Variants in COL7A1 observed in about 807,000 individuals in gnomAD.
COL7A1 encodes the protein collagen type VII alpha 1 chain.
Under a neutral mutation model 456.2 loss-of-function variants are expected in COL7A1, and 296 were observed. The ratio of observed to expected loss-of-function variants is 0.65; its 90% CI spans 0.59 to 0.71. The LOEUF (loss-of-function observed/expected upper bound fraction) is 0.71, where lower values mean the gene tolerates loss of function less well. Ranked by LOEUF, COL7A1 falls within the 30% of genes least tolerant of loss-of-function variation. The pLI is 0.00. For missense variants in COL7A1, 3,441 were observed against 4,017.2 expected, an observed-to-expected ratio of 0.86 and a Z score of 3.88; for synonymous variants, 1,464 against 1,525.9, an observed-to-expected ratio of 0.96 and a Z score of 0.95.
Position 48,568,044 on chromosome 3 carries a change from T to C in COL7A1, c.7875+46A>G. 6.2e-7 allele frequency: 1 copy of C among 1,612,372 alleles called. No homozygotes were observed. On this transcript the variant is annotated intron_variant, in intron 106 of 118. Coordinates refer to ENST00000681320, the MANE Select transcript of COL7A1 (RefSeq NM_000094.4). This position sits in a 1 kb window ranked among gnomAD's most constrained non-coding sequence, Gnocchi z 5.2. ...ACCCCAGGTCCCTCGCCCTTCAACA[T>C]TAGGCCTTCCTGACCAGAAAAAAAC...
At position 48,566,710 on chromosome 3, in the gene COL7A1, C is replaced by G; in HGVS notation, c.8254G>C (p.Val2752Leu). 1 of 1,613,908 alleles carries G rather than the reference C, an allele frequency of 6.2e-7. No individual in the cohort carries two copies. The highest frequency in any genetic ancestry group is 1.1e-5 in the South Asian group (1 of 91,068). Residue 2752 changes from valine (V) to leucine (L), a missense_variant, in exon 112 of 119, where the codon GTG becomes CTG. Transcript: ENST00000681320. This position sits in a 1 kb window ranked among gnomAD's most constrained non-coding sequence, Gnocchi z 5.9. Reference protein sequence around the residue: ...KGERGPPGERVVGAPGVPGAP... With the variant: ...KGERGPPGERLVGAPGVPGAP... Reference sequence around the variant, plus strand: ...CCAGGGACCCCAGGAGCCCCCACCACTCTCTCTCCGGGGGGACCTCGCTCA... The same window carrying G: ...CCAGGGACCCCAGGAGCCCCCACCAGTCTCTCTCCGGGGGGACCTCGCTCA...
chr3:48,574,048 C>T lies in COL7A1; in HGVS notation c.6502-158G>A, dbSNP rs962733454. Among the ~76,000 whole-genome samples the T allele has an allele frequency of 3.3e-5, 5 of 151,982 alleles. No individual in the cohort carries two copies. The highest frequency in any genetic ancestry group is 1.2e-4 in the African/African-American group (5 of 41,362). On this transcript the variant is annotated intron_variant, in intron 80 of 118. Transcript: ENST00000681320. The surrounding 1 kb of genome is among the most constrained non-coding windows in gnomAD (Gnocchi z 5.0). ...GACTGCCTCTCATAGATAGCACACA[C>T]GGGCCTGCACACACACATCCACATA...
At position 48,588,971 on chromosome 3, in the gene COL7A1, G is replaced by A. The variant is rs771323471; in HGVS notation, c.2339C>T (p.Ser780Leu). The A allele has an allele frequency of 1.2e-5, 20 of 1,613,406 alleles. No individual in the cohort carries two copies. The highest frequency in any genetic ancestry group is 1.6e-4 in the Middle Eastern group (1 of 6,082). Reference sequence around the variant, plus strand: ...GGAAGCATTGAGGATCTGCAGCCTCGACACACGACCCACAGGCTCAGGGGC... The same window carrying A: ...GGAAGCATTGAGGATCTGCAGCCTCAACACACGACCCACAGGCTCAGGGGC... ...RTAPEPVGRV[S>L]RLQILNASSD... Residue 780 changes from serine (S) to leucine (L), a missense_variant, in exon 19 of 119, where the codon TCG (serine) becomes TTG (leucine). Coordinates refer to ENST00000681320, the MANE Select transcript of COL7A1 (RefSeq NM_000094.4). This position sits in a 1 kb window ranked among gnomAD's most constrained non-coding sequence, Gnocchi z 4.6.
Position 48,578,521 on chromosome 3 carries a change from A to G in COL7A1, c.5425-6T>C. ...CCACGGAGGCCTGGAAGCCCCTGGA[A>G]AAAGTCTTTGTTAAGATTTATAGGG... On this transcript the variant is annotated splice_region_variant and splice_polypyrimidine_tract_variant and intron_variant, in intron 63 of 118. Transcript: ENST00000681320. The surrounding 1 kb of genome is among the most constrained non-coding windows in gnomAD (Gnocchi z 4.7). 1 of 1,611,186 alleles carries G rather than the reference A, an allele frequency of 6.2e-7. No individual in the cohort carries two copies. The highest frequency in any genetic ancestry group is 8.5e-7 in the Non-Finnish European group (1 of 1,179,554).
chr3:48,571,911 C>A lies in COL7A1; in HGVS notation c.7068+90G>T. 1 of 1,498,508 alleles carries A rather than the reference C, an allele frequency of 6.7e-7. No individual in the cohort carries two copies. The highest frequency in any genetic ancestry group is 9.1e-7 in the Non-Finnish European group (1 of 1,093,510). 92.8% of individuals were successfully genotyped at this position (1,498,508 alleles called of 1,614,324 possible). A position where few individuals can be genotyped will look rare whatever the true frequency, so the allele number is the denominator to read the frequency against. On this transcript the variant is annotated intron_variant, in intron 92 of 118. Transcript: ENST00000681320. This position sits in a 1 kb window ranked among gnomAD's most constrained non-coding sequence, Gnocchi z 4.6. ...GGACATGCAGCCCGACTCAGGGGCTCAGACATGTGCCCCGGCCCAAGAGTG... is the reference window on the plus strand; with the variant it reads ...GGACATGCAGCCCGACTCAGGGGCTAAGACATGTGCCCCGGCCCAAGAGTG...
In COL7A1 at chr3:48,567,289, C is replaced by A; in HGVS notation, c.8047-99G>T. 1 of 1,461,340 alleles carries A rather than the reference C, an allele frequency of 6.8e-7. No individual in the cohort carries two copies. Among genetic ancestry groups the A allele is most frequent in the Admixed American group, 1.7e-5 (1 of 58,944 alleles). The allele number at this position is 1,461,340 out of a possible 1,614,324, so 90.5% of individuals were successfully genotyped here. A position where few individuals can be genotyped will look rare whatever the true frequency, so the allele number is the denominator to read the frequency against. On this transcript the variant is annotated intron_variant, in intron 109 of 118. Transcript: ENST00000681320. This position sits in a 1 kb window ranked among gnomAD's most constrained non-coding sequence, Gnocchi z 4.3. Reference sequence around the variant, plus strand: ...GAGCTCCCTGGCCTAATGCCCAAACCTTCTGTAACCCAAGCACCTGTGAGC... The same window carrying A: ...GAGCTCCCTGGCCTAATGCCCAAACATTCTGTAACCCAAGCACCTGTGAGC...
At position 48,574,460 on chromosome 3, in the gene COL7A1, CATGTG is replaced by C; in HGVS notation, c.6456+23_6456+27del. On this transcript the variant is annotated intron_variant, in intron 79 of 118. Transcript: ENST00000681320. This position sits in a 1 kb window ranked among gnomAD's most constrained non-coding sequence, Gnocchi z 5.0. ...TACATGTGAGAGCCACCTTCTTGCA[CATGTG>C]TGGCTGTTGGGCAAGGACTTACCGG... 1 of 1,614,098 alleles carries C rather than the reference CATGTG, an allele frequency of 6.2e-7. No homozygotes were observed. Among genetic ancestry groups the C allele is most frequent in the Non-Finnish European group, 8.5e-7 (1 of 1,179,980 alleles).
chr3:48,588,027 G>GT lies in COL7A1; in HGVS notation c.2711-89dup, dbSNP rs1183627918. On this transcript the variant is annotated intron_variant, in intron 21 of 118. Transcript: ENST00000681320. The surrounding 1 kb of genome is among the most constrained non-coding windows in gnomAD (Gnocchi z 4.6). Reference sequence around the variant, plus strand: ...AGGGCCTGCCCACTTCACTGGCTCTGTTAACTGGGTTCACCCTCCTGACTG... The same window carrying GT: ...AGGGCCTGCCCACTTCACTGGCTCTGTTTAACTGGGTTCACCCTCCTGACTG... The GT allele has an allele frequency of 4.1e-6, 6 of 1,464,470 alleles. No homozygotes were observed. Among genetic ancestry groups the GT allele is most frequent in the Non-Finnish European group, 5.6e-6 (6 of 1,081,038 alleles). 90.7% of individuals were successfully genotyped at this position (1,464,470 alleles called of 1,614,324 possible).
chr3:48,568,901 C>A lies in COL7A1; in HGVS notation c.7687-46G>T, dbSNP rs61701760. On this transcript the variant is annotated intron_variant, in intron 103 of 118. Coordinates refer to ENST00000681320, the MANE Select transcript of COL7A1 (RefSeq NM_000094.4). This position sits in a 1 kb window ranked among gnomAD's most constrained non-coding sequence, Gnocchi z 5.2. ...GGGATTCAGTCAGGACCAGATCAGG[C>A]TGGGGGCTTAGAATACAACGAGCCC... The A allele has an allele frequency of 1.3e-6, 2 of 1,541,934 alleles. No homozygotes were observed. The highest frequency in any genetic ancestry group is 1.8e-6 in the Non-Finnish European group (2 of 1,137,224).
intron 65 of COL7A1, among the ~76,000 whole-genome samples, chr3:48,577,893 C>T (rs960542021): frequency 7.2e-5 from 11 of 152,166 alleles, no homozygotes; most frequent in African/African-American, 1.4e-4. Flanking sequence ...CCAGGCCTGG[C>T]GCAATGGCTC....
rs780608064 is a variant in COL7A1 at position 48,574,660 on chromosome 3, G to A, written c.6393+17C>T. ...GAAAGGAGGGGGACTCTATGGAAGG[G>A]TGGAGAGAGGCCTCACCCTGTCTCC... On this transcript the variant is annotated intron_variant, in intron 78 of 118. Transcript: ENST00000681320. The surrounding 1 kb of genome is among the most constrained non-coding windows in gnomAD (Gnocchi z 5.0). 6.2e-7 allele frequency: 1 copy of A among 1,613,936 alleles called. No homozygotes were observed. Among genetic ancestry groups the A allele is most frequent in the Non-Finnish European group, 8.5e-7 (1 of 1,179,988 alleles).
rs765130674 is a variant in COL7A1 at position 48,575,676 on chromosome 3, G to A, written c.5929C>T (p.Arg1977Cys). The change falls in exon 73 of 119, where the codon CGT (arginine) becomes TGT (cysteine). Residue 1977 changes from arginine (R) to cysteine (C), a missense_variant. By Grantham distance (180) the Arg-to-Cys change is radical. Coordinates refer to ENST00000681320, the MANE Select transcript of COL7A1 (RefSeq NM_000094.4). This position sits in a 1 kb window ranked among gnomAD's most constrained non-coding sequence, Gnocchi z 6.3. ...CCTGAGTCCCCCTTGGGGCCTCGAC[G>A]CCGTTCGGGCACAGGCAGGAAGCTA... ...SGSFLPVPER[R>C]RGPKGDSGEQ... 34 of 1,613,516 alleles carry A rather than the reference G, an allele frequency of 2.1e-5. No individual in the cohort carries two copies. Among genetic ancestry groups the A allele is most frequent in the African/African-American group, 5.3e-5 (4 of 74,936 alleles).
In COL7A1 at chr3:48,591,966, G is replaced by T. The variant is rs2045735155; in HGVS notation, c.1289C>A (p.Ser430Tyr). 6.2e-7 allele frequency: 1 copy of T among 1,614,220 alleles called. No homozygotes were observed. Among genetic ancestry groups the T allele is most frequent in the Non-Finnish European group, 8.5e-7 (1 of 1,180,040 alleles). ...CACCAAGTTCCAGGAAAGGAGGATG[G>T]ATGTGGGGCCCAGGATGACCGGGCG... is the stretch of plus-strand genomic sequence containing the variant. ...TLRPVILGPT[S>Y]ILLSWNLVPE... Residue 430 changes from serine to tyrosine, a missense_variant, in exon 11 of 119, where the codon TCC (serine) becomes TAC (tyrosine). Ser to Tyr is a moderately radical substitution (Grantham distance 144, BLOSUM62 -2). This residue lies in a region of COL7A1 where 913 missense variants were observed against 1,088.2 expected (regional missense o/e 0.84). Coordinates refer to ENST00000681320, the MANE Select transcript of COL7A1 (RefSeq NM_000094.4). The surrounding 1 kb of genome is among the most constrained non-coding windows in gnomAD (Gnocchi z 7.0).
At position 48,572,222 on chromosome 3, in the gene COL7A1, G is replaced by A. The variant is rs2043974781; in HGVS notation, c.6979-51C>T. ...ACAGGCATCAGTCACAGAAAGATGA[G>A]ACTCCGGAGGGAGGCATGGGGCCAG... On this transcript the variant is annotated intron_variant, in intron 90 of 118. Transcript: ENST00000681320. The surrounding 1 kb of genome is among the most constrained non-coding windows in gnomAD (Gnocchi z 4.6). 6.2e-7 allele frequency: 1 copy of A among 1,613,542 alleles called. No homozygotes were observed. Among genetic ancestry groups the A allele is most frequent in the South Asian group, 1.1e-5 (1 of 91,072 alleles).
In COL7A1 at chr3:48,571,931, A is replaced by G; in HGVS notation, c.7068+70T>C. ...GGGCTCAGACATGTGCCCCGGCCCA[A>G]GAGTGGCCCCTTATGCCCGCCATCA... is the stretch of plus-strand genomic sequence containing the variant. On this transcript the variant is annotated intron_variant, in intron 92 of 118. Transcript: ENST00000681320. This position sits in a 1 kb window ranked among gnomAD's most constrained non-coding sequence, Gnocchi z 4.6. The G allele has an allele frequency of 6.3e-7, 1 of 1,575,590 alleles. No individual in the cohort carries two copies. Among genetic ancestry groups the G allele is most frequent in the South Asian group, 1.1e-5 (1 of 87,658 alleles).
chr3:48,568,977 C>A lies in COL7A1; in HGVS notation c.7687-122G>T. On this transcript the variant is annotated intron_variant, in intron 103 of 118. Transcript: ENST00000681320. This position sits in a 1 kb window ranked among gnomAD's most constrained non-coding sequence, Gnocchi z 5.2. ...CTCCCGAACGGCCCTAGCAGCACGT[C>A]CTCCCAGCCTGTGCCATAGCGGGTG... 1.1e-6 allele frequency: 1 copy of A among 933,036 alleles called. No individual in the cohort carries two copies. The allele number at this position is 933,036 out of a possible 1,614,324, so 57.8% of individuals were successfully genotyped here.
At position 48,590,138 on chromosome 3, in the gene COL7A1, G is replaced by C; in HGVS notation, c.2050+75C>G. The C allele has an allele frequency of 6.5e-7, 1 of 1,540,330 alleles. No individual in the cohort carries two copies. The highest frequency in any genetic ancestry group is 1.2e-5 in the South Asian group (1 of 85,568). On this transcript the variant is annotated intron_variant, in intron 16 of 118. Coordinates refer to ENST00000681320, the MANE Select transcript of COL7A1 (RefSeq NM_000094.4). The surrounding 1 kb of genome is among the most constrained non-coding windows in gnomAD (Gnocchi z 4.6). ...GGCAGGAGTTCTGGGGAGAAGCAAGGGTCTGCAAGGGAAGGCATGGGGGTC... is the reference window on the plus strand; with the variant it reads ...GGCAGGAGTTCTGGGGAGAAGCAAGCGTCTGCAAGGGAAGGCATGGGGGTC...
At position 48,564,502 on chromosome 3, in the gene COL7A1, A is replaced by T. The variant is rs2043518313; in HGVS notation, c.8819-80T>A. 5.2e-6 allele frequency: 8 copies of T among 1,546,874 alleles called. No homozygotes were observed. On this transcript the variant is annotated intron_variant, in intron 118 of 118. Coordinates refer to ENST00000681320, the MANE Select transcript of COL7A1 (RefSeq NM_000094.4). The surrounding 1 kb of genome is among the most constrained non-coding windows in gnomAD (Gnocchi z 6.0). Reference sequence around the variant, plus strand: ...CTCAGGCAGAGGCACCGCCAAGGGGAGGGAGCGGAGGCTACAACAGGAAGT... The same window carrying T: ...CTCAGGCAGAGGCACCGCCAAGGGGTGGGAGCGGAGGCTACAACAGGAAGT...
Position 48,580,347 on chromosome 3 carries a change from G to A in COL7A1, c.5053-3C>T, listed in dbSNP as rs750823750. ...GGTCCAGATGATCCAGGGCTGCCCT[G>A]CAGAAAGGCAGGGGTCAGGGCCACT... is the stretch of plus-strand genomic sequence containing the variant. On this transcript the variant is annotated splice_region_variant and splice_polypyrimidine_tract_variant and intron_variant, in intron 55 of 118. Coordinates refer to ENST00000681320, the MANE Select transcript of COL7A1 (RefSeq NM_000094.4). The surrounding 1 kb of genome is among the most constrained non-coding windows in gnomAD (Gnocchi z 4.5). 1.2e-6 allele frequency: 2 copies of A among 1,608,954 alleles called. No individual in the cohort carries two copies. Among genetic ancestry groups the A allele is most frequent in the African/African-American group, 2.7e-5 (2 of 74,922 alleles).
Sources: gnomAD v4.1 joint callset for allele counts (sites outside exome capture counted in the v4.1 genomes callset) on GRCh38, gnomAD v4.1.1 for gene constraint, gnomAD v4.1.1 regional missense constraint, Gnocchi (gnomAD v3.1) non-coding constraint, MANE v1.5 for transcripts, NCBI Gene and HGNC (gene_info 2026-07-23, HGNC 2026-07-21) for gene names.